FBXW8: variants seen among roughly 807,000 people sequenced by gnomAD.
The protein encoded by FBXW8 is F-box and WD repeat domain containing 8, also known as F-box/WD repeat-containing protein 8.
In FBXW8, 57 loss-of-function variants were observed where a neutral mutation model predicts 65.3. That is an observed-to-expected ratio of 0.87 (90% CI 0.71 to 1.09). FBXW8 has a LOEUF of 1.09. Ranked by LOEUF, FBXW8 falls within the 50% of genes least tolerant of loss-of-function variation. FBXW8 has a pLI of 0.00. For missense variants in FBXW8, 777 were observed against 814.8 expected, an observed-to-expected ratio of 0.95 and a Z score of 0.57; for synonymous variants, 308 against 330.2, an observed-to-expected ratio of 0.93 and a Z score of 0.73.
At chr12:116,954,262 A>G (rs1227049317) in intron 4 of FBXW8, among the ~76,000 whole-genome samples, 2 of 152,176 alleles carry the variant, frequency 1.3e-5, no homozygotes, top group South Asian at 4.1e-4. Flanking sequence ...TTTGGTTTTC[A>G]GTCTGTTTTT....
chr12:116,996,464 G>A (rs530443925), intron 7 of FBXW8, among the ~76,000 whole-genome samples: 15 of 151,082 alleles, frequency 9.9e-5, no homozygotes, highest in African/African-American at 3.4e-4. Flanking sequence ...ACCTCCACCC[G>A]AACAGGAAAT....
chr12:117,018,435 G>A lies in FBXW8; in HGVS notation c.1368-5712G>A, dbSNP rs531477877. Among the ~76,000 whole-genome samples the A allele has an allele frequency of 4.6e-5, 7 of 152,310 alleles. 1 individual carries two copies. In the South Asian group the frequency reaches 8.3e-4, roughly 18 times the overall value. On this transcript the variant is annotated intron_variant, in intron 8 of 10. Coordinates refer to ENST00000652555, the MANE Select transcript of FBXW8 (RefSeq NM_153348.3). ...GCTGTGCTACCTGTTTCCCAGCGTC[G>A]AGTATTTGGTTTGAGTGCTGAGCTG...
At chr12:117,006,810 G>A (rs535229640) in intron 7 of FBXW8, among the ~76,000 whole-genome samples, 25 of 152,326 alleles carry the variant, frequency 1.6e-4, no homozygotes, top group African/African-American at 4.8e-4. Context: ...ATAAATATCT[G>A]TTGGCCAGCT....
intron 1 of FBXW8, among the ~76,000 whole-genome samples, chr12:116,916,638 C>T (rs1305745503): frequency 6.6e-6 from 1 of 152,102 alleles, no homozygotes. Flanking sequence ...TGGCACATGC[C>T]TGTACTCCCA....
chr12:117,012,987 G>T (rs1953863178), intron 8 of FBXW8, among the ~76,000 whole-genome samples: 1 of 152,094 alleles, frequency 6.6e-6, no homozygotes, highest in Non-Finnish European at 1.5e-5. Context: ...AAGTAAAAAT[G>T]AAAAAGGATC....
intron 4 of FBXW8, among the ~76,000 whole-genome samples, chr12:116,959,255 C>G (rs1883839094): frequency 6.6e-6 from 1 of 152,184 alleles, no homozygotes; most frequent in African/African-American, 2.4e-5. Context: ...GGGCTGTGTC[C>G]TGCAAACCTG....
intron 1 of FBXW8, among the ~76,000 whole-genome samples, chr12:116,920,145 A>G (rs1053075577): frequency 2.0e-5 from 3 of 152,054 alleles, no homozygotes; most frequent in African/African-American, 2.4e-5. Flanking sequence ...CTCCAGCCCA[A>G]ATTTCTCCCT....
intron 8 of FBXW8, among the ~76,000 whole-genome samples, chr12:117,014,147 C>T (rs559854926): frequency 6.6e-6 from 1 of 152,326 alleles, no homozygotes; most frequent in South Asian, 2.1e-4. Flanking sequence ...GTTCTTCAGG[C>T]TGCATCATCT....
intron 5 of FBXW8, among the ~76,000 whole-genome samples, chr12:116,980,733 A>T (rs939294735): frequency 6.6e-6 from 1 of 152,258 alleles, no homozygotes; most frequent in Admixed American, 6.5e-5. Context: ...AAGTTAAAAC[A>T]TCTAGAAAAG....
intron 7 of FBXW8, among the ~76,000 whole-genome samples, chr12:117,007,392 C>A (rs1303042300): frequency 6.6e-6 from 1 of 152,196 alleles, no homozygotes; most frequent in Non-Finnish European, 1.5e-5. Context: ...CTGTGTCATG[C>A]ATTTCCTATA....
chr12:116,998,489 C>T (rs1953435012), intron 7 of FBXW8, among the ~76,000 whole-genome samples: 1 of 152,190 alleles, frequency 6.6e-6, no homozygotes, highest in African/African-American at 2.4e-5. Context: ...TTTTTCTTCC[C>T]TGATGGTTTA....
In FBXW8 at chr12:116,911,374, C is replaced by G. The variant is rs1879922110; in HGVS notation, c.318+19C>G. On this transcript the variant is annotated intron_variant, in intron 1 of 10. Transcript: ENST00000652555. Reference sequence around the variant, plus strand: ...CGACCTGGTGAGTGGCCGTCGCCTCCCCCCCGCCCATGCCTGCGCCGGCCC... The same window carrying G: ...CGACCTGGTGAGTGGCCGTCGCCTCGCCCCCGCCCATGCCTGCGCCGGCCC... 2 of 1,258,172 alleles carry G rather than the reference C, an allele frequency of 1.6e-6. No individual in the cohort carries two copies. Among genetic ancestry groups the G allele is most frequent in the East Asian group, 3.2e-5 (1 of 31,594 alleles). The allele number at this position is 1,258,172 out of a possible 1,614,324, so 77.9% of individuals were successfully genotyped here.
At chr12:116,968,059 G>A (rs1252985304) in intron 5 of FBXW8, among the ~76,000 whole-genome samples, 4 of 152,292 alleles carry the variant, frequency 2.6e-5, no homozygotes, top group Admixed American at 6.5e-5. Context: ...TTGAGCCACC[G>A]CGCCTGGCTT....
chr12:116,932,396 A>G (rs1881838600), intron 2 of FBXW8, among the ~76,000 whole-genome samples: 1 of 152,242 alleles, frequency 6.6e-6, no homozygotes, highest in African/African-American at 2.4e-5. Context: ...TCAAAGCACC[A>G]GCAAGACTAT....
chr12:116,985,404 T>G lies in FBXW8; in HGVS notation c.1032+2T>G, dbSNP rs758289889. 1 of 1,612,104 alleles carries G rather than the reference T, an allele frequency of 6.2e-7. No individual in the cohort carries two copies. The highest frequency in any genetic ancestry group is 1.7e-5 in the Admixed American group (1 of 59,464). ...GCGGAATTTGAAGTTCCGAAACTGG[T>G]GAGCTTTTTAGTCTGGTCATCTTAT... On this transcript the variant is annotated splice_donor_variant, in intron 6 of 10. Coordinates refer to ENST00000652555, the MANE Select transcript of FBXW8 (RefSeq NM_153348.3). LOFTEE classifies it high-confidence loss of function.
chr12:116,941,010 G>A (rs1042568117), intron 2 of FBXW8, among the ~76,000 whole-genome samples: 4 of 152,224 alleles, frequency 2.6e-5, no homozygotes, highest in African/African-American at 9.6e-5. Context: ...TATGATCGCT[G>A]TCTTCAGCTA....
intron 9 of FBXW8, among the ~76,000 whole-genome samples, chr12:117,027,107 G>A (rs540160580): frequency 1.4e-4 from 22 of 152,322 alleles, no homozygotes; most frequent in African/African-American, 5.3e-4. Context: ...CTGCAGTAGG[G>A]TGTGCCCTTT....
Position 116,945,485 on chromosome 12 carries a change from A to G in FBXW8, c.545A>G (p.Gln182Arg). The G allele has an allele frequency of 6.2e-7, 1 of 1,614,192 alleles. No individual in the cohort carries two copies. The highest frequency in any genetic ancestry group is 8.5e-7 in the Non-Finnish European group (1 of 1,180,026). ...TATTCTTGCTGGAAGCTCATCTTCC[A>G]AGAGTGCCGAGCCAAGGAACACATG... ...SDYSCWKLIF[Q>R]ECRAKEHMLR... is the part of the protein sequence containing the mutation. The change falls in exon 3 of 11, where the codon CAA (glutamine) becomes CGA (arginine). Residue 182 changes from glutamine to arginine, a missense_variant. By Grantham distance (43) the Gln-to-Arg change is conservative. Transcript: ENST00000652555.
At chr12:116,913,602 G>A (rs946706045) in intron 1 of FBXW8, among the ~76,000 whole-genome samples, 13 of 152,192 alleles carry the variant, frequency 8.5e-5, no homozygotes, top group African/African-American at 3.1e-4. Context: ...CATTCTCATT[G>A]CCTTCATGCT....
Sources: gnomAD v4.1 joint callset for allele counts (sites outside exome capture counted in the v4.1 genomes callset) on GRCh38, gnomAD v4.1.1 for gene constraint, MANE v1.5 for transcripts, NCBI Gene and HGNC (gene_info 2026-07-23, HGNC 2026-07-21) for gene names.